The following MYLK variants were observed in gnomAD, a reference collection of about 807,000 sequenced individuals.
The protein encoded by MYLK is myosin light chain kinase, also known as myosin light chain kinase, smooth muscle.
A neutral mutation model predicts 203.4 loss-of-function variants in MYLK; 106 were observed. The observed-to-expected ratio is 0.52, with a 90% CI of 0.45 to 0.61. The LOEUF (loss-of-function observed/expected upper bound fraction) is 0.61, where lower values mean the gene tolerates loss of function less well. MYLK is among the 20% of genes least tolerant of loss of function. The pLI is 0.00. For synonymous variants in MYLK, 867 were observed against 959.5 expected (o/e 0.90, Z 1.78); for missense variants, 2,072 against 2,442.3 (o/e 0.85, Z 3.20).
rs866203144 is a variant in MYLK, at chr3:123,733,861, G to A, written c.1135C>T (p.Pro379Ser). 1.2e-6 allele frequency: 2 copies of A among 1,614,138 alleles called. No individual in the cohort carries two copies. The highest frequency in any genetic ancestry group is 1.7e-6 in the Non-Finnish European group (2 of 1,180,048). The change falls in exon 10 of 34, where the codon CCA becomes TCA. Residue 379 changes from proline to serine, a missense_variant. Around this residue, in one of 3 missense-constraint regions of MYLK, gnomAD observed 683 missense variants for 643.8 expected, o/e 1.06. Coordinates refer to ENST00000360304, the MANE Select transcript of MYLK (RefSeq NM_053025.4). The stretch of plus-strand genomic sequence containing the variant: ...GGCTGCCTGGTGGGGAAGGTGGCTG[G>A]ACGGGGAGGAGCTGGCCTCTTCCTC... ...EERKRPAPPR[P>S]ATFPTRQPGL...
At chr3:123,779,629 C>A (rs2064216196) in intron 4 of MYLK, among the ~76,000 whole-genome samples, 1 of 152,180 alleles carries the variant, frequency 6.6e-6, no homozygotes, top group Non-Finnish European at 1.5e-5. Context: ...ACCTGCAATT[C>A]TTAGAGGAGT....
At chr3:123,645,343 T>A (rs2058978553) in intron 27 of MYLK, among the ~76,000 whole-genome samples, 1 of 152,202 alleles carries the variant, frequency 6.6e-6, no homozygotes, top group African/African-American at 2.4e-5. Flanking sequence ...TTGCCTTTCC[T>A]AAGGAACACA....
chr3:123,742,234 T>G (rs1171163114), intron 5 of MYLK, among the ~76,000 whole-genome samples: 2 of 152,138 alleles, frequency 1.3e-5, no homozygotes, highest in Admixed American at 1.3e-4. Context: ...CACTAGAACT[T>G]CTTATTCACT....
chr3:123,651,515 G>C (rs1217035154), intron 24 of MYLK, among the ~76,000 whole-genome samples: 2 of 152,122 alleles, frequency 1.3e-5, no homozygotes, highest in South Asian at 2.1e-4. Flanking sequence ...CTGATATAGT[G>C]GTTCACCAGT....
intron 2 of MYLK, among the ~76,000 whole-genome samples, chr3:123,837,591 T>C (rs974054594): frequency 6.7e-6 from 1 of 150,306 alleles, no homozygotes; most frequent in Non-Finnish European, 1.5e-5. Flanking sequence ...ATTTAAAGTC[T>C]TCAAATCAAT....
chr3:123,730,608 C>T (rs976846942), intron 11 of MYLK, among the ~76,000 whole-genome samples: 1 of 152,190 alleles, frequency 6.6e-6, no homozygotes, highest in African/African-American at 2.4e-5. Context: ...TGCTACAACA[C>T]AGATGAACCC....
chr3:123,766,395 T>C lies in MYLK; in HGVS notation c.166-13857A>G, dbSNP rs2063705046. ...CCCACAGCACATGCAGTCAGGGCTG[T>C]GTAAGAGGTGTGTGCTGAGGACCAT... On this transcript the variant is annotated intron_variant, in intron 4 of 33. Coordinates refer to ENST00000360304, the MANE Select transcript of MYLK (RefSeq NM_053025.4). Among the ~76,000 whole-genome samples the C allele has an allele frequency of 2.0e-5, 3 of 152,228 alleles. No homozygotes were observed. The South Asian group carries it at 6.2e-4, about 32-fold the overall frequency.
intron 11 of MYLK, among the ~76,000 whole-genome samples, chr3:123,729,785 G>A (rs773432331): frequency 6.6e-6 from 1 of 151,910 alleles, no homozygotes; most frequent in Non-Finnish European, 1.5e-5. Context: ...GGAGGCTGAG[G>A]TGGGAAGGAT....
At chr3:123,829,833 A>G (rs1236336196) in intron 3 of MYLK, among the ~76,000 whole-genome samples, 1 of 152,202 alleles carries the variant, frequency 6.6e-6, no homozygotes, top group Non-Finnish European at 1.5e-5. Flanking sequence ...AGGGACTCAC[A>G]AAGAAGGGCA....
At chr3:123,735,530 C>T in intron 8 of MYLK, 114 bp from the exon 9 acceptor site, 1 of 1,197,606 alleles carries the variant, frequency 8.3e-7, no homozygotes, top group South Asian at 1.2e-5. Context: ...CTCCTTCCAG[C>T]TTCCCTGGTG....
intron 3 of MYLK, among the ~76,000 whole-genome samples, chr3:123,813,472 CCCA>C (rs1325812323): frequency 1.3e-5 from 2 of 152,034 alleles, no homozygotes; most frequent in Non-Finnish European, 2.9e-5. Context: ...TCAGGCTGGG[CCCA>C]CCTCTGCGTC....
intron 13 of MYLK, among the ~76,000 whole-genome samples, chr3:123,713,450 C>G (rs1464726138): frequency 6.6e-6 from 1 of 152,090 alleles, no homozygotes; most frequent in Non-Finnish European, 1.5e-5. Context: ...GGGAACCAGT[C>G]TCCTCCAACG....
chr3:123,799,962 G>A (rs1399705666), intron 3 of MYLK: 1 of 152,222 alleles, frequency 6.6e-6, no homozygotes. Context: ...GGAGTGCCGG[G>A]CGCCACAGAG....
At chr3:123,837,062 G>A (rs140754069) in intron 2 of MYLK, among the ~76,000 whole-genome samples, 2,865 of 152,016 alleles carry the variant, frequency 0.019, 37 homozygotes, top group Non-Finnish European at 0.032. Flanking sequence ...TTTTTGAGAC[G>A]GAGTTTCGCT....
At position 123,829,644 on chromosome 3, in the gene MYLK, TG is replaced by T. The variant is rs2066255628; in HGVS notation, c.-4+1903del. Among the ~76,000 whole-genome samples the T allele has an allele frequency of 1.8e-4, 27 of 152,364 alleles. 1 individual carries two copies. The South Asian group carries it at 5.6e-3, about 32-fold the overall frequency. ...TGATAAATGTTTGCAATGATGGATA[TG>T]CTAATTGCCCAGATCTGATCACCAT... On this transcript the variant is annotated intron_variant, in intron 3 of 33. Transcript: ENST00000360304.
chr3:123,682,237 C>G lies in MYLK; in HGVS notation c.3639G>C (p.Val1213=), dbSNP rs148419939. The G allele has an allele frequency of 6.2e-7, 1 of 1,600,916 alleles. No individual in the cohort carries two copies. The highest frequency in any genetic ancestry group is 1.1e-5 in the South Asian group (1 of 87,928). Residue 1213 remains valine, a synonymous_variant, in exon 20 of 34, where the codon GTG becomes GTC. Transcript: ENST00000360304. ...SRRPKSSLPP[V]LGTESDATVK... is the part of the protein sequence containing the mutation. ...GCGAGTACTCACTCTCAGTTCCTAG[C>G]ACGGGAGGAAGAGAGCTCTTGGGCC...
At chr3:123,872,094 T>C (rs766338411) in intron 2 of MYLK, among the ~76,000 whole-genome samples, 8 of 152,206 alleles carry the variant, frequency 5.3e-5, no homozygotes, top group Non-Finnish European at 5.9e-5. Context: ...CAGCCTGTTT[T>C]TGTAAATACA....
At chr3:123,733,596 G>C in intron 10 of MYLK, 91 bp downstream of exon 10, 4 of 1,480,098 alleles carry the variant, frequency 2.7e-6, no homozygotes, top group Non-Finnish European at 3.7e-6. Context: ...AGTGGATATA[G>C]GTGATGCAGA....
chr3:123,664,296 G>A (rs369509977), intron 22 of MYLK, 38 bp from the exon 23 acceptor site: 4 of 1,613,870 alleles, frequency 2.5e-6, no homozygotes, highest in Non-Finnish European at 3.4e-6. Context: ...GGAGCCTTGG[G>A]CCCCTGGGCT....
Sources: gnomAD v4.1 joint callset for allele counts (sites outside exome capture counted in the v4.1 genomes callset) on GRCh38, gnomAD v4.1.1 for gene constraint, gnomAD v4.1.1 regional missense constraint, MANE v1.5 for transcripts, NCBI Gene and HGNC (gene_info 2026-07-23, HGNC 2026-07-21) for gene names.